The following GPAM variants were observed in gnomAD, a reference collection of about 807,000 sequenced individuals.
The protein encoded by GPAM is glycerol-3-phosphate acyltransferase, mitochondrial, also known as glycerol-3-phosphate acyltransferase 1, mitochondrial.
Under a neutral mutation model 105.0 loss-of-function variants are expected in GPAM, and 56 were observed. The observed-to-expected ratio is 0.53, with a 90% CI of 0.43 to 0.67. The LOEUF (loss-of-function observed/expected upper bound fraction) is 0.67. Ranked by LOEUF, GPAM falls within the 30% of genes least tolerant of loss-of-function variation. The pLI is 0.00. For missense variants in GPAM, 855 were observed against 989.8 expected, an observed-to-expected ratio of 0.86 and a Z score of 1.83; for synonymous variants, 368 against 354.4, an observed-to-expected ratio of 1.04 and a Z score of -0.43.
chr10:112,215,933 CCCTCCCCTTTCAAAACTATTATTGCT>C (rs1847963360), upstream of GPAM, among the ~76,000 whole-genome samples: 1 of 152,188 alleles, frequency 6.6e-6, no homozygotes, highest in Admixed American at 6.5e-5. Context: ...GCTGCTGCCA[CCCTCCCCTTTCAAAACTATTATTGCT>C]CTGTTCGGCT....
intron 7 of GPAM, 67 bp from the exon 8 acceptor site, chr10:112,173,133 T>C (rs1234400583): frequency 5.6e-6 from 5 of 889,636 alleles, no homozygotes; most frequent in Non-Finnish European, 9.5e-6. Context: ...TACAAGCACA[T>C]ACAGTTGACT....
At chr10:112,209,731 A>C (rs545050076) in intron 1 of GPAM, among the ~76,000 whole-genome samples, 2 of 152,318 alleles carry the variant, frequency 1.3e-5, no homozygotes, top group South Asian at 4.1e-4. Flanking sequence ...AAAGAATGAC[A>C]CTGTTACTAG....
chr10:112,150,483 C>A lies in GPAM; in HGVS notation c.*3067G>T, dbSNP rs1846896135. ...GGAGGAAATACACATCTATTCAACG[C>A]CACACTGGACGTTACAAAATGCATG... On this transcript the variant is annotated 3_prime_UTR_variant, in exon 22 of 22. Coordinates refer to ENST00000348367, the MANE Select transcript of GPAM (RefSeq NM_001244949.2). 2.0e-6 allele frequency: 2 copies of A among 984,978 alleles called. No individual in the cohort carries two copies. The highest frequency in any genetic ancestry group is 6.1e-5 in the Admixed American group (1 of 16,262). 61.0% of individuals were successfully genotyped at this position (984,978 alleles called of 1,614,324 possible). A position where few individuals can be genotyped will look rare whatever the true frequency, so the allele number is the denominator to read the frequency against.
At chr10:112,195,933 G>A (rs1402004369) in intron 1 of GPAM, among the ~76,000 whole-genome samples, 1 of 152,192 alleles carries the variant, frequency 6.6e-6, no homozygotes, top group African/African-American at 2.4e-5. Flanking sequence ...ATCTAAGGTA[G>A]ACAGCAGAGT....
intron 5 of GPAM, among the ~76,000 whole-genome samples, chr10:112,177,325 C>T (rs1425362276): frequency 6.6e-6 from 1 of 152,176 alleles, no homozygotes; most frequent in African/African-American, 2.4e-5. Context: ...GCCTATCTGC[C>T]TGCCTACTCC....
upstream of GPAM, among the ~76,000 whole-genome samples, chr10:112,217,430 C>T (rs747482209): frequency 1.3e-5 from 2 of 150,648 alleles, no homozygotes; most frequent in South Asian, 2.1e-4. Context: ...GTGGTTTCCA[C>T]GTTTTGTTTG....
In GPAM at chr10:112,153,329, A is replaced by T; in HGVS notation, c.*221T>A. 1 of 1,434,478 alleles carries T rather than the reference A, an allele frequency of 7.0e-7. No individual in the cohort carries two copies. Among genetic ancestry groups the T allele is most frequent in the Non-Finnish European group, 9.1e-7 (1 of 1,096,682 alleles). 88.9% of individuals were successfully genotyped at this position (1,434,478 alleles called of 1,614,324 possible). On this transcript the variant is annotated 3_prime_UTR_variant, in exon 22 of 22. Transcript: ENST00000348367. ...TCTACGGATTATGAGTTGCGAATAG[A>T]GGCTGAGGTCCCCCCAAGTGTTATC... is the stretch of plus-strand genomic sequence containing the variant.
At chr10:112,207,445 C>T (rs980099174) in intron 1 of GPAM, among the ~76,000 whole-genome samples, 2 of 152,168 alleles carry the variant, frequency 1.3e-5, no homozygotes, top group African/African-American at 4.8e-5. Context: ...AAGCAGCCAG[C>T]ACAGGTTCCG....
chr10:112,175,504 C>G, intron 6 of GPAM, 96 bp downstream of exon 6: 1 of 771,980 alleles, frequency 1.3e-6, no homozygotes, highest in Non-Finnish European at 2.4e-6. Flanking sequence ...AGACACAGTC[C>G]CAGAGAAACT....
upstream of GPAM, among the ~76,000 whole-genome samples, chr10:112,218,714 G>C (rs1847993859): frequency 6.6e-6 from 1 of 152,222 alleles, no homozygotes; most frequent in South Asian, 2.1e-4. Context: ...ACAAGGGATG[G>C]ATTATTCACA....
chr10:112,152,493 G>A lies in GPAM; in HGVS notation c.*1057C>T. ...GTAGGGCCACCACATGCATATACTG[G>A]ACAGGTTGTGCACGGCACAACTCGA... On this transcript the variant is annotated 3_prime_UTR_variant, in exon 22 of 22. Transcript: ENST00000348367. 2 of 984,274 alleles carry A rather than the reference G, an allele frequency of 2.0e-6. No homozygotes were observed. Among genetic ancestry groups the A allele is most frequent in the Non-Finnish European group, 2.4e-6 (2 of 828,922 alleles). 61.0% of individuals were successfully genotyped at this position (984,274 alleles called of 1,614,324 possible). A position where few individuals can be genotyped will look rare whatever the true frequency, so the allele number is the denominator to read the frequency against.
intron 12 of GPAM, among the ~76,000 whole-genome samples, 154 bp downstream of exon 12, chr10:112,166,248 A>T (rs1005091556): frequency 6.6e-5 from 10 of 152,146 alleles, no homozygotes; most frequent in African/African-American, 2.4e-4. Context: ...TTGTGGAAAA[A>T]TTTAGGCAAC....
At chr10:112,155,640 C>T (rs1847003007) in intron 20 of GPAM, 1 of 459,710 alleles carries the variant, frequency 2.2e-6, no homozygotes, top group Non-Finnish European at 3.9e-6. Flanking sequence ...CTATATGCAA[C>T]ATGTATGAAT....
Position 112,152,531 on chromosome 10 carries a change from C to A in GPAM, c.*1019G>T. On this transcript the variant is annotated 3_prime_UTR_variant, in exon 22 of 22. Transcript: ENST00000348367. ...CGGCACAACTCGAGTGGGTACCAGT[C>A]ACCTGGACTGGGGTGCAGTACACAA... is the stretch of plus-strand genomic sequence containing the variant. 1 of 985,394 alleles carries A rather than the reference C, an allele frequency of 1.0e-6. No individual in the cohort carries two copies. The highest frequency in any genetic ancestry group is 1.2e-6 in the Non-Finnish European group (1 of 829,886). 61.0% of individuals were successfully genotyped at this position (985,394 alleles called of 1,614,324 possible). A position where few individuals can be genotyped will look rare whatever the true frequency, so the allele number is the denominator to read the frequency against.
In GPAM at chr10:112,151,697, G is replaced by C; in HGVS notation, c.*1853C>G. 4 of 985,244 alleles carry C rather than the reference G, an allele frequency of 4.1e-6. No individual in the cohort carries two copies. Among genetic ancestry groups the C allele is most frequent in the Non-Finnish European group, 4.8e-6 (4 of 829,806 alleles). The allele number at this position is 985,244 out of a possible 1,614,324, so 61.0% of individuals were successfully genotyped here. A position where few individuals can be genotyped will look rare whatever the true frequency, so the allele number is the denominator to read the frequency against. On this transcript the variant is annotated 3_prime_UTR_variant, in exon 22 of 22. Transcript: ENST00000348367. ...CGACTGGGAAGCGAGTCCCAATCTTGAATAATGGTGAGCTTGAGTAATCCT... is the reference window on the plus strand; with the variant it reads ...CGACTGGGAAGCGAGTCCCAATCTTCAATAATGGTGAGCTTGAGTAATCCT...
chr10:112,172,547 T>G (rs1299704514), intron 8 of GPAM, among the ~76,000 whole-genome samples: 1 of 152,122 alleles, frequency 6.6e-6, no homozygotes, highest in Non-Finnish European at 1.5e-5. Flanking sequence ...CAATCAAGAG[T>G]TCCAGTTGAC....
chr10:112,159,196 G>A (rs915434563), intron 17 of GPAM, among the ~76,000 whole-genome samples: 1 of 151,054 alleles, frequency 6.6e-6, no homozygotes, highest in Non-Finnish European at 1.5e-5. Context: ...TAAATTGAGA[G>A]GTGTTGAGCA....
intron 1 of GPAM, among the ~76,000 whole-genome samples, chr10:112,192,650 TG>T (rs1361511754): frequency 5.9e-5 from 9 of 151,530 alleles, no homozygotes; most frequent in African/African-American, 1.9e-4. Flanking sequence ...GTGGCTGGAG[TG>T]GGTAAGTGGG....
chr10:112,193,730 T>A (rs1001218177), intron 1 of GPAM, among the ~76,000 whole-genome samples: 2 of 152,188 alleles, frequency 1.3e-5, no homozygotes, highest in African/African-American at 4.8e-5. Flanking sequence ...CGCTAGCAGA[T>A]CCCAGGTCTG....
Sources: allele counts gnomAD v4.1 joint callset (sites outside exome capture counted in the v4.1 genomes callset), GRCh38; gene constraint gnomAD v4.1.1; transcripts MANE v1.5; gene names NCBI Gene and HGNC (gene_info 2026-07-23, HGNC 2026-07-21).